SNRPN: variants seen among roughly 807,000 people sequenced by gnomAD.
SNRPN encodes small nuclear ribonucleoprotein-associated protein N.
In SNRPN, 7 loss-of-function variants were observed where a neutral mutation model predicts 25.2. The ratio of observed to expected loss-of-function variants is 0.28; its 90% CI spans 0.16 to 0.52. SNRPN has a LOEUF of 0.52. SNRPN is among the 20% of genes least tolerant of loss of function. SNRPN has a pLI of 0.96. For missense variants in SNRPN, 196 were observed against 322.5 expected, an observed-to-expected ratio of 0.61 and a Z score of 3.00; for synonymous variants, 124 against 110.6, an observed-to-expected ratio of 1.12 and a Z score of -0.76.
chr15:24,845,395 C>G (rs1028884863), intron 2 of SNRPN, among the ~76,000 whole-genome samples: 12 of 152,070 alleles, frequency 7.9e-5, no homozygotes, highest in African/African-American at 2.7e-4. Context: ...GTCGGGAGTT[C>G]GAGACCAGCC....
chr15:24,939,241 G>C (rs72693701), intron 3 of SNRPN, among the ~76,000 whole-genome samples: 2 of 152,002 alleles, frequency 1.3e-5, no homozygotes, highest in African/African-American at 4.8e-5. Context: ...CATGACTTAC[G>C]TTCTGTTTCT....
chr15:24,908,695 AG>A (rs2059015435), intron 2 of SNRPN, among the ~76,000 whole-genome samples: 1 of 119,658 alleles, frequency 8.4e-6, no homozygotes, highest in East Asian at 2.5e-4. Flanking sequence ...CAAAGTTACA[AG>A]TTTTTTTCTA....
chr15:24,939,921 C>G (rs1218188446), intron 3 of SNRPN, among the ~76,000 whole-genome samples: 2 of 151,974 alleles, frequency 1.3e-5, no homozygotes, highest in African/African-American at 4.8e-5. Flanking sequence ...TCACAAGTAA[C>G]TGGGATTACA....
rs187619790 is a variant in SNRPN at position 24,907,171 on chromosome 15, T to C, written c.-504-12840T>C. ...TCCAATATAGAGAATGGATTGGTCT[T>C]AAATAGAGCTGGGAGTAAAAGATTC... On this transcript the variant is annotated intron_variant, in intron 2 of 11. Coordinates refer to the SNRPN transcript ENST00000400097. 3.0e-4 allele frequency among the ~76,000 whole-genome samples: 45 copies of C among 152,238 alleles called. No individual in the cohort carries two copies. In the East Asian group the frequency reaches 7.5e-3, roughly 25 times the overall value.
At chr15:24,924,061 T>TCTTTCCTCCTGTACAGGAGGGAAGAC (rs1470286619) in intron 3 of SNRPN, among the ~76,000 whole-genome samples, 18 of 150,052 alleles carry the variant, frequency 1.2e-4, no homozygotes, top group South Asian at 1.1e-3. Flanking sequence ...AACTCAGGAG[T>TCTTTCCTCCTGTACAGGAGGGAAGAC]CTTTCCTCCT....
At chr15:24,923,886 T>C (rs2060190143) in intron 3 of SNRPN, among the ~76,000 whole-genome samples, 1 of 112,166 alleles carries the variant, frequency 8.9e-6, no homozygotes, top group Admixed American at 9.8e-5. Flanking sequence ...CGTGTATGTG[T>C]GTGTGTGTGT....
At chr15:24,832,272 A>G (rs2050595506) in intron 2 of SNRPN, among the ~76,000 whole-genome samples, 2 of 148,740 alleles carry the variant, frequency 1.3e-5, no homozygotes, top group East Asian at 2.1e-4. Context: ...TTTCCAATAT[A>G]CAAGATATAA....
intron 2 of SNRPN, among the ~76,000 whole-genome samples, chr15:24,904,990 G>A (rs950606319): frequency 2.7e-5 from 4 of 149,008 alleles, no homozygotes; most frequent in Non-Finnish European, 4.4e-5. Context: ...GCATGTGCCT[G>A]TAATCCTAGC....
At chr15:24,913,272 A>G (rs1233305976) in intron 2 of SNRPN, among the ~76,000 whole-genome samples, 3 of 152,162 alleles carry the variant, frequency 2.0e-5, no homozygotes, top group Non-Finnish European at 4.4e-5. Context: ...AGTACAACGG[A>G]CTAAGATACT....
chr15:24,858,946 C>G (rs2053719181), intron 1 of SNRPN, among the ~76,000 whole-genome samples: 1 of 152,026 alleles, frequency 6.6e-6, no homozygotes, highest in Non-Finnish European at 1.5e-5. Context: ...TTATCAGTAC[C>G]AGCTCACATT....
chr15:24,949,125 G>A (rs901388692), intron 3 of SNRPN, among the ~76,000 whole-genome samples: 1 of 141,468 alleles, frequency 7.1e-6, no homozygotes, highest in African/African-American at 2.6e-5. Flanking sequence ...GGGTTCAAGT[G>A]ATCCTCCTGC....
At chr15:24,867,109 C>G (rs546210886) in intron 1 of SNRPN, among the ~76,000 whole-genome samples, 4 of 152,210 alleles carry the variant, frequency 2.6e-5, no homozygotes, top group South Asian at 4.1e-4. Flanking sequence ...GGTATCTCTT[C>G]AACATACTGA....
intron 1 of SNRPN, among the ~76,000 whole-genome samples, chr15:24,873,400 C>T (rs2055412825): frequency 8.6e-6 from 1 of 116,724 alleles, no homozygotes; most frequent in South Asian, 3.2e-4. Context: ...GATCCCGACT[C>T]ACTGCAACCT....
At chr15:24,922,919 G>GTTTTTTTTTAAAAT (rs2060118953) in intron 3 of SNRPN, among the ~76,000 whole-genome samples, 1 of 111,590 alleles carries the variant, frequency 9.0e-6, no homozygotes, top group African/African-American at 3.5e-5. Context: ...TTTTTTTTGG[G>GTTTTTTTTTAAAAT]AAGACAGAGT....
chr15:24,876,086 A>G (rs2055842407), intron 1 of SNRPN, among the ~76,000 whole-genome samples: 1 of 151,920 alleles, frequency 6.6e-6, no homozygotes, highest in Admixed American at 6.6e-5. Flanking sequence ...AAAAAATAAA[A>G]ATTTTAAAAA....
chr15:24,825,840 T>C (rs1341858994), intron 1 of SNRPN, among the ~76,000 whole-genome samples: 12 of 152,156 alleles, frequency 7.9e-5, no homozygotes, highest in Admixed American at 7.9e-4. Flanking sequence ...GAATGTGTAT[T>C]GCTTTCTCAC....
chr15:24,898,901 T>C (rs753346431), intron 2 of SNRPN, among the ~76,000 whole-genome samples: 2 of 152,092 alleles, frequency 1.3e-5, no homozygotes, highest in Non-Finnish European at 2.9e-5. Flanking sequence ...CCCCATGCTA[T>C]TTATTGGTGA....
chr15:24,878,780 C>A (rs1247943438), intron 1 of SNRPN, among the ~76,000 whole-genome samples: 1 of 151,884 alleles, frequency 6.6e-6, no homozygotes, highest in Non-Finnish European at 1.5e-5. Context: ...AAACGAAATC[C>A]TTTTCAAAAA....
At chr15:24,860,426 C>G (rs1265966334) in intron 1 of SNRPN, among the ~76,000 whole-genome samples, 1 of 152,124 alleles carries the variant, frequency 6.6e-6, no homozygotes, top group East Asian at 1.9e-4. Flanking sequence ...ATAAGACTTA[C>G]TAGTTTCTAC....
Sources: allele counts gnomAD v4.1 joint callset (sites outside exome capture counted in the v4.1 genomes callset), GRCh38; gene constraint gnomAD v4.1.1; transcripts MANE v1.5; gene names NCBI Gene and HGNC (gene_info 2026-07-23, HGNC 2026-07-21).